CYP7B1: variants seen among roughly 807,000 people sequenced by gnomAD.
CYP7B1 encodes cytochrome P450 7B1.
CYP7B1 carries 29 observed loss-of-function variants against 42.7 expected under a neutral mutation model. The observed-to-expected ratio is 0.68, with a 90% CI of 0.51 to 0.93. CYP7B1 has a LOEUF of 0.93. Ranked by LOEUF, CYP7B1 falls within the 40% of genes least tolerant of loss-of-function variation. CYP7B1 has a pLI of 0.00. For synonymous variants in CYP7B1, 235 were observed against 218.2 expected (o/e 1.08, Z -0.68); for missense variants, 655 against 600.5 (o/e 1.09, Z -0.95).
intron 1 of CYP7B1, among the ~76,000 whole-genome samples, chr8:64,643,233 G>T (rs1356001503): frequency 6.7e-6 from 1 of 148,470 alleles, no homozygotes; most frequent in African/African-American, 2.5e-5. Context: ...ATACCTTGAA[G>T]ATACTGCAGG....
intron 1 of CYP7B1, among the ~76,000 whole-genome samples, chr8:64,717,872 GA>G (rs1278637967): frequency 2.0e-5 from 3 of 148,666 alleles, no homozygotes; most frequent in Admixed American, 6.7e-5. Context: ...TTTTTTTTTG[GA>G]AAAAAAATGT....
chr8:64,781,194 A>G (rs926878074), intron 1 of CYP7B1, among the ~76,000 whole-genome samples: 1 of 152,120 alleles, frequency 6.6e-6, no homozygotes. Flanking sequence ...CCTGCTCCTC[A>G]TAAGTAACCA....
chr8:64,618,175 C>G (rs1805474525), intron 2 of CYP7B1, among the ~76,000 whole-genome samples: 1 of 151,202 alleles, frequency 6.6e-6, no homozygotes. Context: ...AAATTGCCAG[C>G]ATCTGCCTGT....
intron 1 of CYP7B1, among the ~76,000 whole-genome samples, chr8:64,679,493 G>T (rs978223553): frequency 6.6e-6 from 1 of 152,174 alleles, no homozygotes; most frequent in Non-Finnish European, 1.5e-5. Context: ...GCTCAAGTCA[G>T]TAAATCCTAT....
chr8:64,638,446 C>T (rs934503166), intron 1 of CYP7B1, among the ~76,000 whole-genome samples: 2 of 151,988 alleles, frequency 1.3e-5, no homozygotes, highest in Admixed American at 6.6e-5. Context: ...TAGTATATTT[C>T]CTACAAAGAG....
intron 1 of CYP7B1, among the ~76,000 whole-genome samples, chr8:64,767,341 G>A (rs1174466401): frequency 6.6e-6 from 1 of 152,062 alleles, no homozygotes; most frequent in Non-Finnish European, 1.5e-5. Flanking sequence ...AAGGGAAATA[G>A]AAGGGAACTG....
intron 2 of CYP7B1, among the ~76,000 whole-genome samples, chr8:64,624,120 ATT>A (rs1002498081): frequency 6.6e-6 from 1 of 151,344 alleles, no homozygotes; most frequent in African/African-American, 2.4e-5. Context: ...ATATATATAT[ATT>A]TTTTTTTCTA....
At chr8:64,748,526 A>G (rs1337539425) in intron 1 of CYP7B1, among the ~76,000 whole-genome samples, 1 of 152,102 alleles carries the variant, frequency 6.6e-6, no homozygotes, top group Non-Finnish European at 1.5e-5. Context: ...TTGGAGATCC[A>G]AGGAAACACT....
At chr8:64,733,999 A>T (rs908702438) in intron 1 of CYP7B1, among the ~76,000 whole-genome samples, 1 of 152,128 alleles carries the variant, frequency 6.6e-6, no homozygotes, top group Non-Finnish European at 1.5e-5. Context: ...AAATTAAAAA[A>T]ATAAAAATAA....
chr8:64,774,239 G>A (rs147903084), intron 1 of CYP7B1, among the ~76,000 whole-genome samples: 40 of 152,178 alleles, frequency 2.6e-4, no homozygotes, highest in African/African-American at 8.9e-4. Flanking sequence ...GATTATTTAC[G>A]TACCTCTATA....
intron 1 of CYP7B1, among the ~76,000 whole-genome samples, chr8:64,649,313 G>A (rs537410548): frequency 6.6e-6 from 1 of 152,068 alleles, no homozygotes; most frequent in Admixed American, 6.6e-5. Flanking sequence ...TACAGTATTT[G>A]TCTTTTTGTA....
rs78487331 is a variant in CYP7B1, at chr8:64,706,510, A to G, written c.123-81971T>C. On this transcript the variant is annotated intron_variant, in intron 1 of 5. Coordinates refer to ENST00000310193, the MANE Select transcript of CYP7B1 (RefSeq NM_004820.5). ...AATACCTGTTAAAAGCTTCACAATTATAAAAGTTCTCTACATTTCTCTGAT... is the reference window on the plus strand; with the variant it reads ...AATACCTGTTAAAAGCTTCACAATTGTAAAAGTTCTCTACATTTCTCTGAT... Among the ~76,000 whole-genome samples the G allele has an allele frequency of 2.6e-4, 39 of 152,182 alleles. No individual in the cohort carries two copies. In the East Asian group the frequency reaches 7.0e-3, roughly 27 times the overall value.
At chr8:64,754,592 G>C (rs993556921) in intron 1 of CYP7B1, among the ~76,000 whole-genome samples, 1 of 152,162 alleles carries the variant, frequency 6.6e-6, no homozygotes, top group African/African-American at 2.4e-5. Flanking sequence ...AAGCAGTAGG[G>C]AGGGAGGGAG....
chr8:64,624,792 G>A (rs775323475), intron 1 of CYP7B1, among the ~76,000 whole-genome samples: 3 of 151,666 alleles, frequency 2.0e-5, no homozygotes, highest in Non-Finnish European at 4.4e-5. Flanking sequence ...GTGGTTTTTC[G>A]TTACATGGAT....
chr8:64,664,734 G>A (rs1211544779), intron 1 of CYP7B1, among the ~76,000 whole-genome samples: 3 of 152,210 alleles, frequency 2.0e-5, no homozygotes, highest in Non-Finnish European at 4.4e-5. Context: ...GGACAGGGCC[G>A]TGAGCTGAGG....
At chr8:64,771,406 C>T (rs1484513724) in intron 1 of CYP7B1, among the ~76,000 whole-genome samples, 1 of 151,872 alleles carries the variant, frequency 6.6e-6, no homozygotes, top group Non-Finnish European at 1.5e-5. Flanking sequence ...TTCTGATACA[C>T]TGTGAACATT....
intron 1 of CYP7B1, among the ~76,000 whole-genome samples, chr8:64,635,038 T>C (rs1392641744): frequency 2.6e-4 from 40 of 152,212 alleles, no homozygotes; most frequent in Admixed American, 2.6e-3. Flanking sequence ...AAGGTTCTAC[T>C]CGAAGCAAGA....
intron 1 of CYP7B1, among the ~76,000 whole-genome samples, chr8:64,792,090 T>A (rs530510691): frequency 1.3e-5 from 2 of 152,150 alleles, no homozygotes; most frequent in East Asian, 3.9e-4. Flanking sequence ...GAAAATGGAG[T>A]AAAAGGGATC....
chr8:64,610,959 T>A (rs908869848), intron 4 of CYP7B1, among the ~76,000 whole-genome samples: 4 of 152,130 alleles, frequency 2.6e-5, no homozygotes, highest in Admixed American at 6.6e-5. Context: ...AATAACCTAA[T>A]ATACATAAAA....
Sources: allele counts gnomAD v4.1 joint callset (sites outside exome capture counted in the v4.1 genomes callset), GRCh38; gene constraint gnomAD v4.1.1; transcripts MANE v1.5; gene names NCBI Gene and HGNC (gene_info 2026-07-23, HGNC 2026-07-21).